Variants in MUC12 observed in about 807,000 individuals in gnomAD.
MUC12 encodes the protein mucin-12.
MUC12 carries 172 observed loss-of-function variants against 230.8 expected under a neutral mutation model. That is an observed-to-expected ratio of 0.75 (90% confidence interval 0.66 to 0.85). The LOEUF (loss-of-function observed/expected upper bound fraction) is 0.85, where lower values mean the gene tolerates loss of function less well. Among genes scored for constraint, MUC12 ranks in the 40% least tolerant of loss-of-function variants. MUC12 has a pLI of 0.00. For synonymous variants in MUC12, 1,259 were observed against 2,401.9 expected, an observed-to-expected ratio of 0.52 and a Z score of 13.91; for missense variants, 3,506 against 5,920.6, an observed-to-expected ratio of 0.59 and a Z score of 13.38.
chr7:100,981,976 C>A (rs1793115071), intron 1 of MUC12, among the ~76,000 whole-genome samples: 1 of 151,056 alleles, frequency 6.6e-6, no homozygotes. Context: ...AAGCGATTCT[C>A]CTGCCTCAGC....
chr7:100,971,180 AC>A (rs1386211785), intron 1 of MUC12, among the ~76,000 whole-genome samples: 10 of 88,344 alleles, frequency 1.1e-4, no homozygotes, highest in Non-Finnish European at 2.5e-4. Flanking sequence ...AAAGAAACAA[AC>A]AAAAAAAAAA....
rs1398271825 is a variant in MUC12, at chr7:101,004,830, G to A, written c.14267G>A (p.Ser4756Asn). Residue 4756 changes from serine to asparagine, a missense_variant, in exon 2 of 12, where the codon AGC becomes AAC. Ser to Asn is a conservative substitution (Grantham distance 46). Coordinates refer to ENST00000536621, the MANE Select transcript of MUC12 (RefSeq NM_001164462.2). ...RSPDQTLSPASMTSSSISGEP... is the reference protein window; with the variant it reads ...RSPDQTLSPANMTSSSISGEP... ...CCAGACCAAACACTCTCACCTGCCA[G>A]CATGACAAGCTCCAGCATCAGTGGA... 5.2e-5 allele frequency: 80 copies of A among 1,536,948 alleles called. No individual in the cohort carries two copies. Among genetic ancestry groups the A allele is most frequent in the Non-Finnish European group, 6.5e-5 (75 of 1,146,496 alleles).
Position 101,013,016 on chromosome 7 carries a change from AGTTCTACTAT to A in MUC12, c.15515_15524del (p.Phe5172TrpfsTer11). ...CAGAAGGCTGCCGAAGGATATACCC[AGTTCTACTAT>A]GTGGATGTCTTGGATGGGAAGCTGG... On this transcript the variant is annotated frameshift_variant, in exon 8 of 12. Transcript: ENST00000536621. LOFTEE classifies it high-confidence loss of function. 6 of 1,537,288 alleles carry A rather than the reference AGTTCTACTAT, an allele frequency of 3.9e-6. No homozygotes were observed. The highest frequency in any genetic ancestry group is 5.2e-6 in the Non-Finnish European group (6 of 1,146,932).
Position 101,004,593 on chromosome 7 carries a change from C to A in MUC12, c.14030C>A (p.Ser4677Tyr). The change falls in exon 2 of 12, where the codon TCC becomes TAC. Residue 4677 changes from serine to tyrosine, a missense_variant. Coordinates refer to ENST00000536621, the MANE Select transcript of MUC12 (RefSeq NM_001164462.2). ...CACTTTCCTGAGAGCTCCACAACCT[C>A]CGGCCGTAGTGAGGAATCAACAGCA... ...TTHFPESSTT[S>Y]GRSEESTASH... 2 of 1,536,594 alleles carry A rather than the reference C, an allele frequency of 1.3e-6. No individual in the cohort carries two copies. Among genetic ancestry groups the A allele is most frequent in the South Asian group, 1.2e-5 (1 of 83,982 alleles).
chr7:101,012,354 T>C lies in MUC12; in HGVS notation c.15310T>C (p.Tyr5104His). 6.5e-7 allele frequency: 1 copy of C among 1,537,320 alleles called. No homozygotes were observed. The highest frequency in any genetic ancestry group is 8.7e-7 in the Non-Finnish European group (1 of 1,146,918). Residue 5104 changes from tyrosine (Y) to histidine (H), a missense_variant, in exon 6 of 12, where the codon TAT becomes CAT. Transcript: ENST00000536621. ...CCTGGAGGCAGACTACACTTTAGAG[T>C]ATGAGGAACTGTTTGAAAACCTGGC... is the stretch of plus-strand genomic sequence containing the variant. The part of the protein sequence containing the change: ...VILEADYTLE[Y>H]EELFENLAEI...
chr7:100,978,642 A>G (rs1410293708), intron 1 of MUC12, among the ~76,000 whole-genome samples: 1 of 151,864 alleles, frequency 6.6e-6, no homozygotes, highest in Non-Finnish European at 1.5e-5. Context: ...GACTTCATTG[A>G]CTGATTTTGT....
In MUC12 at chr7:101,005,507, A is replaced by T; in HGVS notation, c.14944A>T (p.Thr4982Ser). 6.5e-7 allele frequency: 1 copy of T among 1,536,702 alleles called. No homozygotes were observed. The highest frequency in any genetic ancestry group is 8.7e-7 in the Non-Finnish European group (1 of 1,146,300). The change falls in exon 2 of 12, where the codon ACC becomes TCC. Residue 4982 changes from threonine to serine, a missense_variant. Coordinates refer to ENST00000536621, the MANE Select transcript of MUC12 (RefSeq NM_001164462.2). ...STIVSTESLETLAPGLCQEGQ... is the reference protein window; with the variant it reads ...STIVSTESLESLAPGLCQEGQ... The stretch of plus-strand genomic sequence containing the variant: ...AATTGTGTCTACTGAAAGCCTGGAA[A>T]CCTTAGCACCAGGTACTGCTCTTTC...
intron 1 of MUC12, among the ~76,000 whole-genome samples, chr7:100,988,250 C>T (rs918405023): frequency 6.3e-5 from 9 of 143,722 alleles, no homozygotes; most frequent in African/African-American, 1.0e-4. Context: ...GAGCCGAGAT[C>T]GCGCCAATGC....
intron 1 of MUC12, among the ~76,000 whole-genome samples, chr7:100,976,254 G>T (rs1793028938): frequency 6.6e-6 from 1 of 151,472 alleles, no homozygotes; most frequent in Admixed American, 6.6e-5. Flanking sequence ...ACCCAGCCTG[G>T]GTGACAGAGC....
rs188545598 is a variant in MUC12, at chr7:101,012,723, G to A, written c.15404-96G>A. 1.1e-4 allele frequency: 149 copies of A among 1,364,180 alleles called. 1 individual carries two copies. The highest frequency in any genetic ancestry group is 7.1e-4 in the Middle Eastern group (4 of 5,652). 84.5% of individuals were successfully genotyped at this position (1,364,180 alleles called of 1,614,324 possible). A position where few individuals can be genotyped will look rare whatever the true frequency, so the allele number is the denominator to read the frequency against. On this transcript the variant is annotated intron_variant, in intron 6 of 11. Coordinates refer to ENST00000536621, the MANE Select transcript of MUC12 (RefSeq NM_001164462.2). ...AAGACTCCCACGGGCATTGGCCCAG[G>A]GGAGGGCATGGTATAGAAGAGAGAG...
At position 100,991,905 on chromosome 7, in the gene MUC12, G is replaced by A; in HGVS notation, c.1342G>A (p.Ala448Thr). 1.3e-6 allele frequency: 2 copies of A among 1,537,320 alleles called. No individual in the cohort carries two copies. The highest frequency in any genetic ancestry group is 2.0e-5 in the Admixed American group (1 of 50,960). ...KASHSSPDAMATTVLPAGSTP... is the reference protein window; with the variant it reads ...KASHSSPDAMTTTVLPAGSTP... ...ATCCCACAGCAGCCCAGATGCAATG[G>A]CAACAACAGTCTTACCTGCCGGCTC... The change falls in exon 2 of 12, where the codon GCA (alanine) becomes ACA (threonine). Residue 448 changes from alanine (A) to threonine (T), a missense_variant. Coordinates refer to ENST00000536621, the MANE Select transcript of MUC12 (RefSeq NM_001164462.2).
chr7:100,971,141 C>T (rs1022101219), intron 1 of MUC12, among the ~76,000 whole-genome samples: 20 of 46,808 alleles, frequency 4.3e-4, no homozygotes, highest in Admixed American at 4.0e-3. Context: ...GGCAACAGAG[C>T]GAGACTCTCT....
At chr7:100,970,656 G>A (rs1792858488) in intron 1 of MUC12, among the ~76,000 whole-genome samples, 1 of 152,074 alleles carries the variant, frequency 6.6e-6, no homozygotes, top group South Asian at 2.1e-4. Context: ...GGCAGATCAC[G>A]AGGTCAGGAA....
chr7:101,015,668 T>C lies in MUC12; in HGVS notation c.15854T>C (p.Phe5285Ser), dbSNP rs1275217256. 6.5e-7 allele frequency: 1 copy of C among 1,537,480 alleles called. No homozygotes were observed. Among genetic ancestry groups the C allele is most frequent in the Non-Finnish European group, 8.7e-7 (1 of 1,146,950 alleles). ...EWRKEGTPGI[F>S]QKTAIWEDQN... ...CGAAAGGAAGGCACCCCTGGCATCT[T>C]CCAGAAGACGGCCATCTGGGAAGGT... Residue 5285 changes from phenylalanine (F) to serine (S), a missense_variant, in exon 10 of 12, where the codon TTC becomes TCC. Phe to Ser is a radical substitution (Grantham distance 155). Coordinates refer to ENST00000536621, the MANE Select transcript of MUC12 (RefSeq NM_001164462.2).
intron 2 of MUC12, 78 bp from the exon 3 acceptor site, chr7:101,006,393 A>G: frequency 1.1e-6 from 1 of 938,268 alleles, no homozygotes. Context: ...ATGCTGAGTG[A>G]CTGGACCTGG....
chr7:100,971,817 G>A (rs542542807), intron 1 of MUC12, among the ~76,000 whole-genome samples: 2 of 152,426 alleles, frequency 1.3e-5, no homozygotes, highest in South Asian at 2.1e-4. Flanking sequence ...AGGAGAGGGT[G>A]ATGGAGGTGA....
rs1241669018 is a variant in MUC12 at position 100,991,511 on chromosome 7, C to A, written c.948C>A (p.His316Gln). 1.3e-6 allele frequency: 2 copies of A among 1,537,142 alleles called. No homozygotes were observed. Among genetic ancestry groups the A allele is most frequent in the Non-Finnish European group, 1.7e-6 (2 of 1,146,564 alleles). Reference sequence around the variant, plus strand: ...GCCCGAGCTCAACTCCAACAACCCACTTTTCTGCCAGCTCCACAACCTTGG... The same window carrying A: ...GCCCGAGCTCAACTCCAACAACCCAATTTTCTGCCAGCTCCACAACCTTGG... ...HSSPSSTPTT[H>Q]FSASSTTLGH... Residue 316 changes from histidine to glutamine, a missense_variant, in exon 2 of 12, where the codon CAC (histidine) becomes CAA (glutamine). Physicochemically the swap from His to Gln is conservative, Grantham distance 24. Coordinates refer to ENST00000536621, the MANE Select transcript of MUC12 (RefSeq NM_001164462.2).
chr7:101,017,705 C>G, intron 11 of MUC12, 42 bp downstream of exon 11: 1 of 1,419,066 alleles, frequency 7.0e-7, no homozygotes, highest in Non-Finnish European at 9.6e-7. Flanking sequence ...GAGGCTGCTC[C>G]ACTTCCTCTG....
intron 3 of MUC12, among the ~76,000 whole-genome samples, chr7:101,008,124 TA>T (rs1395263195): frequency 6.7e-6 from 1 of 148,228 alleles, no homozygotes; most frequent in African/African-American, 2.5e-5. Flanking sequence ...TTTTTAGTTT[TA>T]GGAACCTCCA....
Sources: gnomAD v4.1 joint callset for allele counts (sites outside exome capture counted in the v4.1 genomes callset) on GRCh38, gnomAD v4.1.1 for gene constraint, MANE v1.5 for transcripts, NCBI Gene and HGNC (gene_info 2026-07-23, HGNC 2026-07-21) for gene names.